Variants in ABCG2 observed in about 807,000 individuals in gnomAD.
ABCG2 encodes ATP binding cassette subfamily G member 2 (JR blood group), also known as broad substrate specificity ATP-binding cassette transporter ABCG2.
In ABCG2, 80 loss-of-function variants were observed where a neutral mutation model predicts 73.5. The observed-to-expected ratio is 1.09, with a 90% CI of 0.91 to 1.31. The LOEUF (loss-of-function observed/expected upper bound fraction) is 1.31, where lower values mean the gene tolerates loss of function less well. Among genes scored for constraint, ABCG2 ranks in the 50% most tolerant of loss-of-function variants. The pLI is 0.00. For missense variants in ABCG2, 796 were observed against 786.2 expected (o/e 1.01, Z -0.15); for synonymous variants, 269 against 282.4 (o/e 0.95, Z 0.48).
chr4:88,225,138 T>TA (rs1451355706), intron 1 of ABCG2, among the ~76,000 whole-genome samples: 3 of 152,216 alleles, frequency 2.0e-5, no homozygotes, highest in Non-Finnish European at 4.4e-5. Flanking sequence ...TTCAAAGAGT[T>TA]ACAGCAGGGG....
chr4:88,114,338 T>C (rs768950078), intron 8 of ABCG2, among the ~76,000 whole-genome samples: 1 of 152,144 alleles, frequency 6.6e-6, no homozygotes, highest in Non-Finnish European at 1.5e-5. Context: ...TATAAAATTC[T>C]GGTCGTGGCC....
chr4:88,099,529 C>G, intron 11 of ABCG2, 81 bp from the exon 12 acceptor site: 1 of 1,413,454 alleles, frequency 7.1e-7, no homozygotes, highest in Non-Finnish European at 9.4e-7. Context: ...TGTTACAGAC[C>G]TCTGCTGACA....
intron 1 of ABCG2, among the ~76,000 whole-genome samples, chr4:88,147,254 C>T (rs1726121411): frequency 2.6e-5 from 4 of 151,584 alleles, no homozygotes; most frequent in African/African-American, 7.3e-5. Flanking sequence ...ATCTCTTGAG[C>T]ACAGGAGATC....
chr4:88,142,539 A>G (rs1015808758), intron 1 of ABCG2, among the ~76,000 whole-genome samples: 4 of 152,340 alleles, frequency 2.6e-5, no homozygotes, highest in Admixed American at 6.5e-5. Flanking sequence ...ATGAATGGTA[A>G]TAATTAGCCA....
chr4:88,104,268 C>G (rs1196857410), intron 10 of ABCG2, among the ~76,000 whole-genome samples: 1 of 152,202 alleles, frequency 6.6e-6, no homozygotes, highest in African/African-American at 2.4e-5. Flanking sequence ...GTGCTTTCCT[C>G]TCTCAGAGAA....
intron 1 of ABCG2, among the ~76,000 whole-genome samples, chr4:88,227,364 C>G (rs1480938679): frequency 5.9e-5 from 9 of 152,110 alleles, no homozygotes; most frequent in Non-Finnish European, 1.2e-4. Context: ...CCATTGTACT[C>G]CAGCTGGCCA....
intron 1 of ABCG2, among the ~76,000 whole-genome samples, chr4:88,230,263 G>C (rs1198862860): frequency 1.6e-5 from 2 of 124,446 alleles, no homozygotes; most frequent in Non-Finnish European, 3.3e-5. Context: ...AAAATGCTGG[G>C]ATTACAGGCA....
At chr4:88,119,561 C>G (rs1447368542) in intron 6 of ABCG2, among the ~76,000 whole-genome samples, 1 of 152,148 alleles carries the variant, frequency 6.6e-6, no homozygotes, top group African/African-American at 2.4e-5. Context: ...TTGAGGTGGT[C>G]TCAGATGGAG....
At chr4:88,192,389 T>C (rs1037858435) in intron 1 of ABCG2, among the ~76,000 whole-genome samples, 2 of 152,100 alleles carry the variant, frequency 1.3e-5, no homozygotes, top group African/African-American at 4.8e-5. Context: ...TCAATGAAGC[T>C]ATTTTCCCTT....
At chr4:88,133,364 GA>G (rs374120766) in intron 2 of ABCG2, among the ~76,000 whole-genome samples, 9 of 149,050 alleles carry the variant, frequency 6.0e-5, no homozygotes, top group Admixed American at 6.0e-4. Flanking sequence ...ATGACCGAAA[GA>G]AAAAAAAAGC....
intron 2 of ABCG2, among the ~76,000 whole-genome samples, chr4:88,139,437 T>A (rs1725469666): frequency 1.3e-5 from 2 of 152,112 alleles, no homozygotes; most frequent in Non-Finnish European, 1.5e-5. Context: ...GTATTTTCAG[T>A]AGAGACAGGG....
In ABCG2 at chr4:88,196,748, C is replaced by T. The variant is rs894751958; in HGVS notation, c.-20+34246G>A. Among the ~76,000 whole-genome samples, 45 of 151,248 alleles carry T rather than the reference C, an allele frequency of 3.0e-4. 1 individual carries two copies. The highest frequency in any genetic ancestry group is 9.0e-4 in the African/African-American group (37 of 41,076). On this transcript the variant is annotated intron_variant, in intron 1 of 15. Coordinates refer to the ABCG2 transcript ENST00000515655. The stretch of plus-strand genomic sequence containing the variant: ...GATCATTTCTGGGCCCACGTTTTAC[C>T]TCCTGGAACTTTATGATGCTCTTAC...
chr4:88,195,570 G>C (rs537404938), intron 1 of ABCG2, among the ~76,000 whole-genome samples: 2 of 152,336 alleles, frequency 1.3e-5, no homozygotes, highest in Admixed American at 6.5e-5. Context: ...CAGAGTGAGA[G>C]AGCAAGACAA....
chr4:88,162,319 T>C (rs1298477075), upstream of ABCG2, among the ~76,000 whole-genome samples: 5 of 152,094 alleles, frequency 3.3e-5, no homozygotes, highest in Admixed American at 2.6e-4. Flanking sequence ...TTATAAATTT[T>C]ATAATGAAAA....
At chr4:88,099,503 G>C (rs574808669) in intron 11 of ABCG2, 55 bp from the exon 12 acceptor site, 3 of 1,526,716 alleles carry the variant, frequency 2.0e-6, no homozygotes, top group African/African-American at 1.4e-5. Flanking sequence ...AAGCCACAGG[G>C]CAGGCTAGAC....
intron 10 of ABCG2, among the ~76,000 whole-genome samples, chr4:88,103,638 A>G (rs1174118921): frequency 6.6e-6 from 1 of 152,198 alleles, no homozygotes; most frequent in African/African-American, 2.4e-5. Flanking sequence ...TGTGTTCACC[A>G]CATTGTGCAA....
At chr4:88,128,394 C>T (rs899796616) in intron 5 of ABCG2, among the ~76,000 whole-genome samples, 2 of 152,088 alleles carry the variant, frequency 1.3e-5, no homozygotes, top group Admixed American at 1.3e-4. Context: ...ACCAGAAATA[C>T]CATTTGACCC....
At position 88,092,245 on chromosome 4, in the gene ABCG2, T is replaced by C. The variant is rs372911459; in HGVS notation, c.1957A>G (p.Lys653Glu). The C allele has an allele frequency of 4.4e-6, 7 of 1,606,334 alleles. No individual in the cohort carries two copies. The highest frequency in any genetic ancestry group is 6.0e-6 in the Non-Finnish European group (7 of 1,175,600). Residue 653 changes from lysine to glutamate, a missense_variant, in exon 16 of 16, where the codon AAA becomes GAA. Coordinates refer to ENST00000237612, the MANE Select transcript of ABCG2 (RefSeq NM_004827.3). ...AATTAAGGGGAAATTTAAGAATATT[T>C]TTTAAGAAATAACAATTTCAGGTAG... The part of the protein sequence containing the change: ...IAYLKLLFLK[K>E]YS
chr4:88,162,666 A>T (rs1727364041), upstream of ABCG2, among the ~76,000 whole-genome samples: 1 of 152,210 alleles, frequency 6.6e-6, no homozygotes, highest in Non-Finnish European at 1.5e-5. Context: ...GAGTCATTTT[A>T]ACTTGTAAGT....
Sources: gnomAD v4.1 joint callset for allele counts (sites outside exome capture counted in the v4.1 genomes callset) on GRCh38, gnomAD v4.1.1 for gene constraint, MANE v1.5 for transcripts, NCBI Gene and HGNC (gene_info 2026-07-23, HGNC 2026-07-21) for gene names.